SH3GL2: variants seen among roughly 807,000 people sequenced by gnomAD.
The protein encoded by SH3GL2 is endophilin-A1.
A neutral mutation model predicts 46.0 loss-of-function variants in SH3GL2; 24 were observed. That is an observed-to-expected ratio of 0.52 (90% CI 0.38 to 0.73). SH3GL2 has a LOEUF of 0.73. Ranked by LOEUF, SH3GL2 falls within the 30% of genes least tolerant of loss-of-function variation. SH3GL2 has a pLI of 0.00. For synonymous variants in SH3GL2, 196 were observed against 147.1 expected, an observed-to-expected ratio of 1.33 and a Z score of -2.40; for missense variants, 413 against 424.2, an observed-to-expected ratio of 0.97 and a Z score of 0.23.
chr9:17,792,194 C>G (rs1824150402), intron 7 of SH3GL2, among the ~76,000 whole-genome samples: 1 of 152,184 alleles, frequency 6.6e-6, no homozygotes, highest in Non-Finnish European at 1.5e-5. Context: ...TTCCCTCAGG[C>G]TGATCTCATT....
chr9:17,651,760 T>C (rs931026307), intron 1 of SH3GL2, among the ~76,000 whole-genome samples: 6 of 152,220 alleles, frequency 3.9e-5, no homozygotes, highest in Admixed American at 6.5e-5. Flanking sequence ...TTTTCATATT[T>C]CCAATATTTC....
At chr9:17,662,097 C>T (rs966060835) in intron 1 of SH3GL2, among the ~76,000 whole-genome samples, 1 of 152,088 alleles carries the variant, frequency 6.6e-6, no homozygotes, top group Non-Finnish European at 1.5e-5. Context: ...GCTGAATATT[C>T]CATGAGTGCT....
chr9:17,755,694 C>A, intron 2 of SH3GL2: 1 of 717,552 alleles, frequency 1.4e-6, no homozygotes, highest in Non-Finnish European at 1.7e-6. Context: ...TGCTCTGCTA[C>A]AGCATCTGGT....
chr9:17,795,505 C>T, intron 8 of SH3GL2, 39 bp from the exon 9 acceptor site: 2 of 1,553,428 alleles, frequency 1.3e-6, no homozygotes, highest in Non-Finnish European at 1.8e-6. Context: ...ACCCCTTATC[C>T]TTTTGTGTTC....
chr9:17,773,559 A>G (rs1363944358), intron 3 of SH3GL2, among the ~76,000 whole-genome samples: 1 of 152,096 alleles, frequency 6.6e-6, no homozygotes, highest in Non-Finnish European at 1.5e-5. Flanking sequence ...ATTGGTTGAA[A>G]AGACTATTAT....
At chr9:17,718,074 T>G (rs73645152) in intron 1 of SH3GL2, among the ~76,000 whole-genome samples, 4,528 of 152,262 alleles carry the variant, frequency 0.03, 88 homozygotes, top group African/African-American at 0.049. Context: ...TCAAATCTTG[T>G]AAGCTAGGAA....
intron 1 of SH3GL2, among the ~76,000 whole-genome samples, chr9:17,659,374 C>G (rs891522241): frequency 5.9e-5 from 9 of 152,226 alleles, no homozygotes; most frequent in African/African-American, 1.9e-4. Context: ...CAGAGCCATT[C>G]CTGAGAATGG....
rs1248523169 is a variant in SH3GL2 at position 17,761,199 on chromosome 9, C to A, written c.115-238C>A. ...GAAGGTAATGAATTATATTTTGAAA[C>A]AAATTTTAGGAAACTACAAGCTTCT... On this transcript the variant is annotated intron_variant, in intron 2 of 8. Coordinates refer to ENST00000380607, the MANE Select transcript of SH3GL2 (RefSeq NM_003026.5). Among the ~76,000 whole-genome samples, 4 of 152,204 alleles carry A rather than the reference C, an allele frequency of 2.6e-5. No homozygotes were observed. In the South Asian group the frequency reaches 8.3e-4, roughly 32 times the overall value.
chr9:17,720,851 G>A (rs1272188626), intron 1 of SH3GL2, among the ~76,000 whole-genome samples: 5 of 152,080 alleles, frequency 3.3e-5, no homozygotes, highest in African/African-American at 1.2e-4. Context: ...GTGCTTTTAG[G>A]TGAGCCACCA....
Position 17,626,750 on chromosome 9 carries a change from G to A in SH3GL2, c.45+47463G>A, listed in dbSNP as rs369805714. On this transcript the variant is annotated intron_variant, in intron 1 of 8. Coordinates refer to ENST00000380607, the MANE Select transcript of SH3GL2 (RefSeq NM_003026.5). ...TGCAGATTCTTGTGGACATTTGACAGTCCCTCTCCAAAGTATGGCCTCCAA... is the reference window on the plus strand; with the variant it reads ...TGCAGATTCTTGTGGACATTTGACAATCCCTCTCCAAAGTATGGCCTCCAA... 1.6e-4 allele frequency among the ~76,000 whole-genome samples: 24 copies of A among 152,284 alleles called. 1 individual carries two copies. The South Asian group carries it at 5.0e-3, about 32-fold the overall frequency.
intron 1 of SH3GL2, among the ~76,000 whole-genome samples, chr9:17,641,142 G>C (rs971329442): frequency 4.6e-5 from 7 of 152,188 alleles, no homozygotes; most frequent in African/African-American, 1.7e-4. Context: ...TTATTACCAA[G>C]TTTCCAATAT....
intron 1 of SH3GL2, among the ~76,000 whole-genome samples, chr9:17,699,153 CAAAAAAAAAAAA>C (rs3084657): frequency 1.2e-5 from 1 of 86,506 alleles, no homozygotes; most frequent in Non-Finnish European, 2.2e-5. Context: ...GACTCTGTCT[CAAAAAAAAAAAA>C]AAAAAAAAAA....
intron 1 of SH3GL2, among the ~76,000 whole-genome samples, chr9:17,643,138 C>T (rs1819726392): frequency 6.6e-6 from 1 of 152,102 alleles, no homozygotes; most frequent in African/African-American, 2.4e-5. Context: ...GTATTTTATT[C>T]TCTTTGTAGC....
At chr9:17,629,615 T>G (rs1165921160) in intron 1 of SH3GL2, among the ~76,000 whole-genome samples, 1 of 152,236 alleles carries the variant, frequency 6.6e-6, no homozygotes, top group African/African-American at 2.4e-5. Context: ...AAAATGAGAT[T>G]TAAAGAACCA....
chr9:17,708,016 G>A (rs967649578), intron 1 of SH3GL2, among the ~76,000 whole-genome samples: 2 of 152,008 alleles, frequency 1.3e-5, no homozygotes, highest in African/African-American at 4.8e-5. Flanking sequence ...ATTGTAAATG[G>A]AGTGCACAAA....
intron 1 of SH3GL2, among the ~76,000 whole-genome samples, chr9:17,720,805 A>G (rs1821876614): frequency 6.6e-6 from 1 of 152,184 alleles, no homozygotes; most frequent in African/African-American, 2.4e-5. Flanking sequence ...ATGCATACCT[A>G]TCTAAACTGG....
At chr9:17,584,775 C>T (rs932768647) in intron 1 of SH3GL2, among the ~76,000 whole-genome samples, 44 of 152,212 alleles carry the variant, frequency 2.9e-4, no homozygotes, top group African/African-American at 1.0e-3. Flanking sequence ...GTCAACGATA[C>T]GGGCCTGTGG....
chr9:17,706,466 G>A lies in SH3GL2; in HGVS notation c.46-40600G>A, dbSNP rs1456877266. ...GGCTTTTGATTCTGCCAGATGCAGC[G>A]GGAGAGCAATTGCTCTTCCTAAAGA... On this transcript the variant is annotated intron_variant, in intron 1 of 8. Coordinates refer to ENST00000380607, the MANE Select transcript of SH3GL2 (RefSeq NM_003026.5). Among the ~76,000 whole-genome samples, 27 of 152,022 alleles carry A rather than the reference G, an allele frequency of 1.8e-4. 1 individual carries two copies. Among genetic ancestry groups the A allele is most frequent in the Admixed American group, 1.1e-3 (17 of 15,228 alleles).
At chr9:17,787,759 G>GT (rs1204664073) in intron 5 of SH3GL2, among the ~76,000 whole-genome samples, 2 of 152,016 alleles carry the variant, frequency 1.3e-5, no homozygotes, top group Non-Finnish European at 2.9e-5. Flanking sequence ...ATATTGAATA[G>GT]TTTTTTTCAG....
Sources: allele counts gnomAD v4.1 joint callset (sites outside exome capture counted in the v4.1 genomes callset), GRCh38; gene constraint gnomAD v4.1.1; transcripts MANE v1.5; gene names NCBI Gene and HGNC (gene_info 2026-07-23, HGNC 2026-07-21).